The following UNC5D variants were observed in gnomAD, a reference collection of about 807,000 sequenced individuals.
The protein encoded by UNC5D is netrin receptor UNC5D.
In UNC5D, 39 loss-of-function variants were observed where a neutral mutation model predicts 105.4. That is an observed-to-expected ratio of 0.37 (90% CI 0.29 to 0.48). UNC5D has a LOEUF of 0.48. UNC5D is among the 20% of genes least tolerant of loss of function. The pLI, the probability that UNC5D is intolerant of heterozygous loss-of-function variation, is 0.98. For synonymous variants in UNC5D, 452 were observed against 450.4 expected (o/e 1.00, Z -0.04); for missense variants, 991 against 1,202.4 (o/e 0.82, Z 2.60).
intron 4 of UNC5D, among the ~76,000 whole-genome samples, chr8:35,659,519 A>G (rs368758484): frequency 6.6e-6 from 1 of 152,244 alleles, no homozygotes. Context: ...TGTTATGATG[A>G]CTGCTGACTT....
intron 1 of UNC5D, among the ~76,000 whole-genome samples, chr8:35,348,281 T>A (rs2128907965): frequency 6.6e-6 from 1 of 152,000 alleles, no homozygotes; most frequent in African/African-American, 2.4e-5. Context: ...CTTAAATATA[T>A]GTCATGGAAT....
chr8:35,746,433 CAGAG>C (rs1386017274), intron 11 of UNC5D, among the ~76,000 whole-genome samples: 9 of 144,184 alleles, frequency 6.2e-5, no homozygotes, highest in Non-Finnish European at 1.1e-4. Context: ...GTTCCTTCAC[CAGAG>C]AGAGACCTAC....
intron 3 of UNC5D, among the ~76,000 whole-genome samples, 161 bp from the exon 4 acceptor site, chr8:35,595,393 G>C (rs1024517634): frequency 9.2e-5 from 14 of 152,070 alleles, no homozygotes; most frequent in Non-Finnish European, 2.1e-4. Flanking sequence ...TGAATATTTG[G>C]AAAAACGATT....
chr8:35,516,153 A>G (rs1165950515), intron 1 of UNC5D, among the ~76,000 whole-genome samples: 1 of 152,168 alleles, frequency 6.6e-6, no homozygotes, highest in Non-Finnish European at 1.5e-5. Context: ...AAAGGCTTTC[A>G]TGATATATGC....
At chr8:35,576,766 C>G (rs1818116689) in intron 3 of UNC5D, among the ~76,000 whole-genome samples, 1 of 152,132 alleles carries the variant, frequency 6.6e-6, no homozygotes, top group African/African-American at 2.4e-5. Context: ...GTGCCTGCCA[C>G]CAGGCCCAGC....
chr8:35,784,746 T>C (rs1299772799), intron 16 of UNC5D, among the ~76,000 whole-genome samples: 1 of 152,052 alleles, frequency 6.6e-6, no homozygotes, highest in Non-Finnish European at 1.5e-5. Context: ...AGACTCTGTC[T>C]CAAAAATAAA....
At chr8:35,516,394 G>C (rs1237303428) in intron 1 of UNC5D, among the ~76,000 whole-genome samples, 1 of 152,184 alleles carries the variant, frequency 6.6e-6, no homozygotes, top group Admixed American at 6.5e-5. Flanking sequence ...TGCACCAGAC[G>C]TTTGTACTTC....
intron 1 of UNC5D, among the ~76,000 whole-genome samples, chr8:35,484,759 A>G (rs1188993947): frequency 6.6e-6 from 1 of 152,136 alleles, no homozygotes; most frequent in East Asian, 1.9e-4. Flanking sequence ...AATGCATACT[A>G]TCTGCGGCCG....
chr8:35,516,416 A>C (rs1813095673), intron 1 of UNC5D, among the ~76,000 whole-genome samples: 1 of 152,154 alleles, frequency 6.6e-6, no homozygotes, highest in South Asian at 2.1e-4. Context: ...CACAGCTCGT[A>C]AGTGTCACCT....
At chr8:35,316,130 G>T in intron 1 of UNC5D, among the ~76,000 whole-genome samples, 1 of 152,180 alleles carries the variant, frequency 6.6e-6, no homozygotes, top group South Asian at 2.1e-4. Flanking sequence ...CTGATCTAAG[G>T]TAGTGGCAGT....
At chr8:35,376,997 G>A (rs1802735632) in intron 1 of UNC5D, among the ~76,000 whole-genome samples, 1 of 152,100 alleles carries the variant, frequency 6.6e-6, no homozygotes, top group Non-Finnish European at 1.5e-5. Context: ...ATTTGTTATT[G>A]ATTGACTGCT....
intron 13 of UNC5D, among the ~76,000 whole-genome samples, chr8:35,756,916 G>T (rs186360575): frequency 1.6e-3 from 251 of 152,268 alleles, no homozygotes; most frequent in Non-Finnish European, 2.7e-3. Context: ...GGGTATATTT[G>T]AGAAAGCCTA....
At chr8:35,535,208 C>T (rs1392180505) in intron 1 of UNC5D, among the ~76,000 whole-genome samples, 2 of 152,102 alleles carry the variant, frequency 1.3e-5, no homozygotes, top group Admixed American at 6.5e-5. Context: ...GCAATATGCA[C>T]GTGATTGTCT....
At chr8:35,251,977 G>A (rs1488535532) in intron 1 of UNC5D, among the ~76,000 whole-genome samples, 2 of 150,674 alleles carry the variant, frequency 1.3e-5, no homozygotes, top group African/African-American at 2.4e-5. Flanking sequence ...TCTAAAGCAA[G>A]CTTTCCTAAT....
At chr8:35,372,968 A>G (rs1455805669) in intron 1 of UNC5D, among the ~76,000 whole-genome samples, 1 of 152,180 alleles carries the variant, frequency 6.6e-6, no homozygotes, top group Non-Finnish European at 1.5e-5. Context: ...GCCCACTTCA[A>G]TGAGTGCCAA....
intron 3 of UNC5D, among the ~76,000 whole-genome samples, chr8:35,590,516 C>G (rs1819100092): frequency 6.6e-6 from 1 of 152,006 alleles, no homozygotes; most frequent in Non-Finnish European, 1.5e-5. Flanking sequence ...TAATCATATC[C>G]TGCATTATTC....
chr8:35,236,111 C>T (rs1202892886), intron 1 of UNC5D, among the ~76,000 whole-genome samples: 1 of 152,208 alleles, frequency 6.6e-6, no homozygotes, highest in Admixed American at 6.5e-5. Context: ...GACCCGGGCC[C>T]CTACCGTTTT....
chr8:35,543,944 T>C (rs1815456454), intron 1 of UNC5D, among the ~76,000 whole-genome samples: 1 of 152,192 alleles, frequency 6.6e-6, no homozygotes, highest in South Asian at 2.1e-4. Flanking sequence ...AGGCACTCAC[T>C]AAATTAGAGT....
chr8:35,354,196 G>C (rs1288575730), intron 1 of UNC5D, among the ~76,000 whole-genome samples: 1 of 151,936 alleles, frequency 6.6e-6, no homozygotes, highest in African/African-American at 2.4e-5. Flanking sequence ...TGTTAATCTG[G>C]GGTTCCAGTA....
Sources: allele counts gnomAD v4.1 joint callset (sites outside exome capture counted in the v4.1 genomes callset), GRCh38; gene constraint gnomAD v4.1.1; transcripts MANE v1.5; gene names NCBI Gene and HGNC (gene_info 2026-07-23, HGNC 2026-07-21).